The following HMGB1 variants were observed in gnomAD, a reference collection of about 807,000 sequenced individuals.
HMGB1 encodes the protein high mobility group box 1.
For missense variants in HMGB1, 79 were observed against 253.5 expected, an observed-to-expected ratio of 0.31 and a Z score of 4.67; for synonymous variants, 81 against 84.0, an observed-to-expected ratio of 0.96 and a Z score of 0.19.
intron 1 of HMGB1, among the ~76,000 whole-genome samples, chr13:30,614,149 A>G (rs1950538930): frequency 6.6e-6 from 1 of 152,230 alleles, no homozygotes; most frequent in Admixed American, 6.5e-5. Flanking sequence ...TCTGAAAAAT[A>G]TACCAGAAAC....
intron 1 of HMGB1, among the ~76,000 whole-genome samples, chr13:30,609,618 G>C (rs1011609545): frequency 2.0e-5 from 3 of 152,096 alleles, no homozygotes; most frequent in African/African-American, 7.2e-5. Context: ...AATAGTTTTG[G>C]GGGGTGCAGG....
chr13:30,554,177 A>G, intron 1 of HMGB1: 1 of 1,396,612 alleles, frequency 7.2e-7, no homozygotes, highest in Non-Finnish European at 1.0e-6. Context: ...TGGTGAAACC[A>G]GAACAATATC....
At chr13:30,566,018 C>T (rs1870168597) in intron 1 of HMGB1, among the ~76,000 whole-genome samples, 1 of 152,204 alleles carries the variant, frequency 6.6e-6, no homozygotes, top group South Asian at 2.1e-4. Flanking sequence ...GGGTCCTATT[C>T]AGACTGTGGT....
chr13:30,563,155 A>G (rs773653072), intron 1 of HMGB1, among the ~76,000 whole-genome samples: 1 of 152,236 alleles, frequency 6.6e-6, no homozygotes, highest in African/African-American at 2.4e-5. Flanking sequence ...TAGAACAAGG[A>G]AGCTCTGCTT....
chr13:30,576,390 A>C (rs1271780003), intron 1 of HMGB1, among the ~76,000 whole-genome samples: 1 of 152,122 alleles, frequency 6.6e-6, no homozygotes, highest in African/African-American at 2.4e-5. Flanking sequence ...TGGGCAATAA[A>C]AAGCTATGAT....
At chr13:30,493,760 G>A (rs143652889) in intron 1 of HMGB1, among the ~76,000 whole-genome samples, 2 of 152,122 alleles carry the variant, frequency 1.3e-5, no homozygotes, top group Non-Finnish European at 2.9e-5. Context: ...TCACACCACA[G>A]CACTCCAGCC....
At chr13:30,476,271 G>A (rs1311008452) in intron 1 of HMGB1, among the ~76,000 whole-genome samples, 1 of 151,848 alleles carries the variant, frequency 6.6e-6, no homozygotes, top group African/African-American at 2.4e-5. Context: ...CCCGAGTAGT[G>A]GGATTACAGG....
chr13:30,529,432 T>G (rs1475702628), intron 1 of HMGB1, among the ~76,000 whole-genome samples: 1 of 152,218 alleles, frequency 6.6e-6, no homozygotes, highest in Non-Finnish European at 1.5e-5. Context: ...GTTTGCAAAG[T>G]TATCTGAACA....
chr13:30,606,882 A>G (rs1242021108), intron 1 of HMGB1, among the ~76,000 whole-genome samples: 1 of 152,250 alleles, frequency 6.6e-6, no homozygotes, highest in Non-Finnish European at 1.5e-5. Context: ...GTTGTGTTGA[A>G]TAGCTATAGA....
intron 1 of HMGB1, among the ~76,000 whole-genome samples, chr13:30,496,306 T>C (rs1887608848): frequency 6.6e-6 from 1 of 152,216 alleles, no homozygotes; most frequent in South Asian, 2.1e-4. Context: ...TTCATATCAG[T>C]AATGTACCAA....
chr13:30,531,027 A>G (rs1433742085), intron 1 of HMGB1, among the ~76,000 whole-genome samples: 1 of 152,198 alleles, frequency 6.6e-6, no homozygotes, highest in Non-Finnish European at 1.5e-5. Flanking sequence ...AGACCGGGCA[A>G]GAGTGAGACC....
intron 1 of HMGB1, among the ~76,000 whole-genome samples, chr13:30,596,734 A>C (rs1277748584): frequency 6.6e-6 from 1 of 152,228 alleles, no homozygotes; most frequent in Admixed American, 6.5e-5. Flanking sequence ...CAAAGGATAC[A>C]GAACGGAATA....
At chr13:30,514,119 T>C (rs1278944239) in intron 1 of HMGB1, among the ~76,000 whole-genome samples, 1 of 152,016 alleles carries the variant, frequency 6.6e-6, no homozygotes, top group Non-Finnish European at 1.5e-5. Flanking sequence ...ATAGCTCTCA[T>C]CTGGACTGTT....
At chr13:30,604,452 G>A (rs1950434621) in intron 1 of HMGB1, among the ~76,000 whole-genome samples, 1 of 152,114 alleles carries the variant, frequency 6.6e-6, no homozygotes, top group Admixed American at 6.5e-5. Context: ...CTGTTGGGGC[G>A]GAGTGCTACT....
rs933507012 is a variant in HMGB1 at position 30,459,851 on chromosome 13, T to C, written c.*1506A>G. 6.6e-6 allele frequency: 1 copy of C among 152,576 alleles called. No individual in the cohort carries two copies. Among genetic ancestry groups the C allele is most frequent in the East Asian group, 1.9e-4 (1 of 5,204 alleles). The allele number at this position is 152,576 out of a possible 1,614,324, so 9.5% of individuals were successfully genotyped here. On this transcript the variant is annotated 3_prime_UTR_variant, in exon 5 of 5. Coordinates refer to ENST00000341423, the MANE Select transcript of HMGB1 (RefSeq NM_002128.7). Reference sequence around the variant, plus strand: ...TAAGTGAAAGCCATTTAACTAGTATTTAAAACCTCTGCAATTATTAGTTTA... The same window carrying C: ...TAAGTGAAAGCCATTTAACTAGTATCTAAAACCTCTGCAATTATTAGTTTA...
chr13:30,505,602 T>G (rs1293419360), intron 1 of HMGB1, among the ~76,000 whole-genome samples: 1 of 149,148 alleles, frequency 6.7e-6, no homozygotes, highest in Admixed American at 6.6e-5. Context: ...TGAGCCACCA[T>G]GCCCGACCTA....
At chr13:30,469,414 C>T (rs1224345276), upstream of HMGB1, among the ~76,000 whole-genome samples, 1 of 152,038 alleles carries the variant, frequency 6.6e-6, no homozygotes, top group Admixed American at 6.5e-5. Context: ...CCAGTTGTAT[C>T]TGCTTGTCCC....
At chr13:30,538,537 CTTTCTTTCTTTCT>C (rs1868610715) in intron 1 of HMGB1, among the ~76,000 whole-genome samples, 1 of 77,258 alleles carries the variant, frequency 1.3e-5, no homozygotes, top group Non-Finnish European at 2.4e-5. Context: ...TCTTTCTTTC[CTTTCTTTCTTTCT>C]TTCTTTTTCT....
chr13:30,468,628 A>G (rs1886853793), upstream of HMGB1, among the ~76,000 whole-genome samples: 1 of 152,122 alleles, frequency 6.6e-6, no homozygotes, highest in Admixed American at 6.5e-5. Context: ...ACCTTTATTT[A>G]TTCCCAAGTT....
Sources: allele counts gnomAD v4.1 joint callset (sites outside exome capture counted in the v4.1 genomes callset), GRCh38; gene constraint gnomAD v4.1.1; transcripts MANE v1.5; gene names NCBI Gene and HGNC (gene_info 2026-07-23, HGNC 2026-07-21).